Variants in CYB561 observed in about 807,000 individuals in gnomAD.
The protein encoded by CYB561 is transmembrane ascorbate-dependent reductase CYB561.
A neutral mutation model predicts 25.3 loss-of-function variants in CYB561; 11 were observed. The observed-to-expected ratio is 0.44, with a 90% CI of 0.27 to 0.72. CYB561 has a LOEUF of 0.72. CYB561 is among the 30% of genes least tolerant of loss of function. The probability of loss-of-function intolerance (pLI) is 0.18; values close to 1 mark genes in which losing one functional copy is unlikely to be tolerated. For missense variants in CYB561, 295 were observed against 334.9 expected (o/e 0.88, Z 0.93); for synonymous variants, 165 against 158.8 (o/e 1.04, Z -0.29).
Position 63,437,533 on chromosome 17 carries a change from G to T in CYB561, c.15C>A (p.Ala5=). Reference sequence around the variant, plus strand: ...GCAGTGCTGTGGGGGTGGCTGCCGCGGCCCCGCCCTCCATGCTGAGGCAAA... The same window carrying T: ...GCAGTGCTGTGGGGGTGGCTGCCGCTGCCCCGCCCTCCATGCTGAGGCAAA... MEGG[A]AAATPTALPY... The change falls in exon 2 of 6, where the codon GCC becomes GCA. Residue 5 remains alanine, a synonymous_variant. Transcript: ENST00000360793. 1 of 1,610,750 alleles carries T rather than the reference G, an allele frequency of 6.2e-7. No individual in the cohort carries two copies. Among genetic ancestry groups the T allele is most frequent in the Non-Finnish European group, 8.5e-7 (1 of 1,179,824 alleles).
At chr17:63,443,278 C>A (rs2049394303) in intron 1 of CYB561, among the ~76,000 whole-genome samples, 1 of 152,114 alleles carries the variant, frequency 6.6e-6, no homozygotes, top group South Asian at 2.1e-4. Flanking sequence ...GGCACTAAGC[C>A]CTGGTGCATG....
At chr17:63,444,984 T>C (rs892406303) in intron 1 of CYB561, among the ~76,000 whole-genome samples, 2 of 152,180 alleles carry the variant, frequency 1.3e-5, no homozygotes, top group African/African-American at 4.8e-5. Flanking sequence ...GAGACCAGCC[T>C]GGCCAACATG....
At position 63,440,496 on chromosome 17, in the gene CYB561, A is replaced by AG. The variant is rs574748416; in HGVS notation, c.-13-2937dup. On this transcript the variant is annotated intron_variant, in intron 1 of 5. Transcript: ENST00000360793. ...CCAACATCATGCTGTCCCCTGCGTAAGTGCCCCCGAGTGCCAGTGAAATGC... is the reference window on the plus strand; with the variant it reads ...CCAACATCATGCTGTCCCCTGCGTAAGGTGCCCCCGAGTGCCAGTGAAATGC... Among the ~76,000 whole-genome samples the AG allele has an allele frequency of 2.6e-5, 4 of 152,252 alleles. No individual in the cohort carries two copies. In the South Asian group the frequency reaches 8.3e-4, roughly 32 times the overall value.
chr17:63,445,288 T>A (rs1165767789), intron 1 of CYB561, among the ~76,000 whole-genome samples: 1 of 151,690 alleles, frequency 6.6e-6, no homozygotes, highest in East Asian at 1.9e-4. Context: ...GGCTCCCTCA[T>A]GCAAGGAGGT....
intron 1 of CYB561, chr17:63,438,404 G>A: frequency 1.8e-6 from 1 of 566,254 alleles, no homozygotes; most frequent in African/African-American, 1.9e-5. Flanking sequence ...TGCTGGCGAT[G>A]AGGAGGCCTC....
chr17:63,436,278 G>A lies in CYB561; in HGVS notation c.203-126C>T. ...GACGGCTTGTAACAGGAGCCTAGCT[G>A]CAGGAACCGGAGGAGAAAGCCAGGT... On this transcript the variant is annotated intron_variant, in intron 2 of 5. Transcript: ENST00000360793. This position sits in a 1 kb window ranked among gnomAD's most constrained non-coding sequence, Gnocchi z 4.8. 2.4e-6 allele frequency: 3 copies of A among 1,224,962 alleles called. No individual in the cohort carries two copies. Among genetic ancestry groups the A allele is most frequent in the Non-Finnish European group, 3.4e-6 (3 of 886,354 alleles). The allele number at this position is 1,224,962 out of a possible 1,614,324, so 75.9% of individuals were successfully genotyped here. A position where few individuals can be genotyped will look rare whatever the true frequency, so the allele number is the denominator to read the frequency against.
At chr17:63,437,675 C>T (rs2049322205) in intron 1 of CYB561, 115 bp from the exon 2 acceptor site, 6 of 757,466 alleles carry the variant, frequency 7.9e-6, no homozygotes, top group Admixed American at 2.5e-5. Flanking sequence ...GATGTACACA[C>T]CCCTCAAGAT....
intron 1 of CYB561, among the ~76,000 whole-genome samples, chr17:63,445,210 A>G (rs1395711975): frequency 1.3e-5 from 2 of 152,012 alleles, no homozygotes; most frequent in Admixed American, 6.6e-5. Context: ...TAAGGAAAGC[A>G]AGAAAGCAAT....
At chr17:63,438,329 G>T (rs2049337249) in intron 1 of CYB561, 1 of 846,844 alleles carries the variant, frequency 1.2e-6, no homozygotes, top group Non-Finnish European at 1.8e-6. Flanking sequence ...TTCTCCAGAC[G>T]CGTCATGAAG....
intron 1 of CYB561, among the ~76,000 whole-genome samples, chr17:63,438,506 G>A (rs976856407): frequency 2.3e-4 from 33 of 145,106 alleles, no homozygotes; most frequent in Admixed American, 7.8e-4. Context: ...CTGCAGAGTA[G>A]AAGTGCCCCG....
In CYB561 at chr17:63,435,232, G is replaced by A; in HGVS notation, c.417C>T (p.Gly139=). 1 of 1,611,082 alleles carries A rather than the reference G, an allele frequency of 6.2e-7. No individual in the cohort carries two copies. Among genetic ancestry groups the A allele is most frequent in the Non-Finnish European group, 8.5e-7 (1 of 1,179,064 alleles). Reference sequence around the variant, plus strand: ...CTCCGGGGAACAGGAAGAAGCTGAAGCCCACCAGCCACTAGGATTTGAAAG... The same window carrying A: ...CTCCGGGGAACAGGAAGAAGCTGAAACCCACCAGCCACTAGGATTTGAAAG... ...FVLYFVQWLV[G]FSFFLFPGAS... Residue 139 remains glycine (G), a synonymous_variant, in exon 5 of 6, where the codon GGC becomes GGT. Transcript: ENST00000360793.
At chr17:63,440,396 A>G (rs2049363070) in intron 1 of CYB561, among the ~76,000 whole-genome samples, 1 of 151,914 alleles carries the variant, frequency 6.6e-6, no homozygotes, top group African/African-American at 2.4e-5. Flanking sequence ...GAGCATCCTC[A>G]CTGCCCCACC....
intron 3 of CYB561, 114 bp downstream of exon 3, chr17:63,435,940 G>T: frequency 6.3e-7 from 1 of 1,593,656 alleles, no homozygotes; most frequent in East Asian, 2.3e-5. Context: ...GGGATGTTTG[G>T]GGTGGGGGCG....
intron 4 of CYB561, 182 bp from the exon 5 acceptor site, chr17:63,435,425 C>T: frequency 1.4e-6 from 1 of 701,030 alleles, no homozygotes; most frequent in Admixed American, 2.9e-5. Context: ...AGGGACCGGT[C>T]CCCCAACGCT....
intron 1 of CYB561, among the ~76,000 whole-genome samples, chr17:63,441,177 C>A (rs1238367147): frequency 1.3e-5 from 2 of 152,224 alleles, no homozygotes; most frequent in Admixed American, 1.3e-4. Flanking sequence ...CCCGGCCTGG[C>A]CTCCCGGGGA....
intron 1 of CYB561, among the ~76,000 whole-genome samples, chr17:63,438,850 G>A: frequency 1.3e-5 from 2 of 152,214 alleles, no homozygotes; most frequent in East Asian, 3.9e-4. Flanking sequence ...GGGAGGAGAG[G>A]CGGCAGGAGG....
intron 1 of CYB561, chr17:63,438,416 C>T: frequency 5.4e-6 from 3 of 559,206 alleles, no homozygotes; most frequent in Non-Finnish European, 9.6e-6. Flanking sequence ...GGAGGCCTCC[C>T]CACCCCACAC....
intron 1 of CYB561, chr17:63,437,970 G>GGCCCCCCCCCCCCCC: frequency 1.7e-5 from 11 of 643,044 alleles, no homozygotes; most frequent in South Asian, 3.7e-5. Context: ...TCCCACGGCG[G>GGCCCCCCCCCCCCCC]CCCCGCCACC....
chr17:63,438,071 C>T (rs1448867229), intron 1 of CYB561: 3 of 1,496,378 alleles, frequency 2.0e-6, no homozygotes, highest in South Asian at 2.4e-5. Flanking sequence ...TCTCAAGTCT[C>T]GGGAGTGGCT....
Sources: allele counts gnomAD v4.1 joint callset (sites outside exome capture counted in the v4.1 genomes callset), GRCh38; gene constraint gnomAD v4.1.1; non-coding constraint Gnocchi (gnomAD v3.1); transcripts MANE v1.5; gene names NCBI Gene and HGNC (gene_info 2026-07-23, HGNC 2026-07-21).